The following PALMD variants were observed in gnomAD, a reference collection of about 807,000 sequenced individuals.
PALMD encodes the protein paralemmin-like protein.
In PALMD, 42 loss-of-function variants were observed where a neutral mutation model predicts 56.2. That is an observed-to-expected ratio of 0.75 (90% confidence interval 0.58 to 0.97). The LOEUF is 0.97. Ranked by LOEUF, PALMD falls within the 50% of genes least tolerant of loss-of-function variation. PALMD has a pLI of 0.00. For synonymous variants in PALMD, 242 were observed against 222.9 expected, an observed-to-expected ratio of 1.09 and a Z score of -0.76; for missense variants, 660 against 643.8, an observed-to-expected ratio of 1.03 and a Z score of -0.27.
At chr1:99,653,978 GAGAC>G (rs1652654417) in intron 1 of PALMD, among the ~76,000 whole-genome samples, 1 of 152,054 alleles carries the variant, frequency 6.6e-6, no homozygotes. Flanking sequence ...GATGAGTATA[GAGAC>G]CTTTGGTGCT....
At chr1:99,677,198 A>C (rs1653235657) in intron 3 of PALMD, among the ~76,000 whole-genome samples, 1 of 152,124 alleles carries the variant, frequency 6.6e-6, no homozygotes, top group Admixed American at 6.6e-5. Context: ...CTGTTTTTCT[A>C]GTTAACAACC....
intron 1 of PALMD, among the ~76,000 whole-genome samples, chr1:99,649,476 A>C (rs834994): frequency 0.84 from 127,742 of 152,038 alleles, 54,639 homozygotes; most frequent in Non-Finnish European, 0.92. Flanking sequence ...TCTCGAGAAG[A>C]GTGAGATGAA....
Position 99,672,115 on chromosome 1 carries a change from A to C in PALMD, c.251+4349A>C, listed in dbSNP as rs556614345. On this transcript the variant is annotated intron_variant, in intron 3 of 7. Transcript: ENST00000263174. ...CAGAGGGTACCCTGACTCACACATAACCTTTAAGTAAAGCATATCTGCTTA... is the reference window on the plus strand; with the variant it reads ...CAGAGGGTACCCTGACTCACACATACCCTTTAAGTAAAGCATATCTGCTTA... Among the ~76,000 whole-genome samples the C allele has an allele frequency of 4.6e-5, 7 of 152,240 alleles. No individual in the cohort carries two copies. The East Asian group carries it at 1.4e-3, about 29-fold the overall frequency.
At chr1:99,653,432 G>T (rs1047739902) in intron 1 of PALMD, among the ~76,000 whole-genome samples, 1 of 151,980 alleles carries the variant, frequency 6.6e-6, no homozygotes, top group Non-Finnish European at 1.5e-5. Flanking sequence ...TAAAACACAC[G>T]CTGGATTCTG....
intron 1 of PALMD, among the ~76,000 whole-genome samples, chr1:99,648,679 CA>C (rs1173104294): frequency 6.6e-6 from 1 of 151,666 alleles, no homozygotes; most frequent in Non-Finnish European, 1.5e-5. Flanking sequence ...AAAACTTTTA[CA>C]CTCTAGGATC....
At chr1:99,677,981 A>G (rs1328040236) in intron 3 of PALMD, among the ~76,000 whole-genome samples, 1 of 152,130 alleles carries the variant, frequency 6.6e-6, no homozygotes, top group Non-Finnish European at 1.5e-5. Context: ...CTATATTAGT[A>G]CCATGCTTGC....
chr1:99,689,901 C>A, intron 7 of PALMD, 29 bp downstream of exon 7: 1 of 1,558,400 alleles, frequency 6.4e-7, no homozygotes, highest in Non-Finnish European at 8.6e-7. Context: ...CATGCCACTG[C>A]TGTTCAGTCA....
intron 3 of PALMD, among the ~76,000 whole-genome samples, chr1:99,679,176 G>A (rs1482226734): frequency 6.6e-6 from 1 of 152,076 alleles, no homozygotes; most frequent in African/African-American, 2.4e-5. Flanking sequence ...TGAAACGCAA[G>A]TAATTCATCA....
rs1332046393 is a variant in PALMD, at chr1:99,667,779, C to T, written c.251+13C>T. ...AAAGTATCCTCAGGTATGGCCCTCA[C>T]TGAGATACTCCACAACTACCTTTAT... On this transcript the variant is annotated intron_variant, in intron 3 of 7. Coordinates refer to ENST00000263174, the MANE Select transcript of PALMD (RefSeq NM_017734.5). 5.6e-6 allele frequency: 9 copies of T among 1,610,666 alleles called. No individual in the cohort carries two copies. The highest frequency in any genetic ancestry group is 6.8e-6 in the Non-Finnish European group (8 of 1,177,176).
At chr1:99,668,491 A>T (rs1299541398) in intron 3 of PALMD, 2 of 151,856 alleles carry the variant, frequency 1.3e-5, no homozygotes, top group African/African-American at 2.4e-5. Flanking sequence ...CCCAGCCCCT[A>T]CTCTCACCTT....
chr1:99,653,089 A>T (rs895012198), intron 1 of PALMD, among the ~76,000 whole-genome samples: 2 of 152,180 alleles, frequency 1.3e-5, no homozygotes, highest in African/African-American at 4.8e-5. Flanking sequence ...GGAATTCTCA[A>T]GACAAAGACA....
intron 1 of PALMD, among the ~76,000 whole-genome samples, chr1:99,653,538 C>T (rs1204105154): frequency 6.6e-6 from 1 of 152,046 alleles, no homozygotes; most frequent in Non-Finnish European, 1.5e-5. Context: ...TTAATTCACC[C>T]CATAAATAGT....
At chr1:99,685,705 A>G (rs186445084) in intron 3 of PALMD, 6 of 152,290 alleles carry the variant, frequency 3.9e-5, no homozygotes, top group Admixed American at 3.3e-4. Context: ...TGACACGAAT[A>G]TCCACAGCTG....
Position 99,688,815 on chromosome 1 carries a change from G to A in PALMD, c.555G>A (p.Lys185=). The part of the protein sequence containing the change: ...AMEIKVEKDL[K]TGESTVLSSI... The stretch of plus-strand genomic sequence containing the variant: ...AAATTAAAGTTGAAAAAGACTTGAA[G>A]ACTGGAGAAAGTACAGTTCTGTCTT... The change falls in exon 7 of 8, where the codon AAG becomes AAA. Residue 185 remains lysine, a synonymous_variant. Coordinates refer to ENST00000263174, the MANE Select transcript of PALMD (RefSeq NM_017734.5). The A allele has an allele frequency of 2.5e-6, 4 of 1,608,996 alleles. No homozygotes were observed. In the South Asian group the frequency reaches 4.4e-5, roughly 18 times the overall value.
At position 99,646,643 on chromosome 1, in the gene PALMD, C is replaced by T. The variant is rs1652450991; in HGVS notation, c.45+281C>T. ...GCAGTCTGATTAACTATCTTTCACA[C>T]TCTGTGGTGTACCTTAGAAATGCAG... is the stretch of plus-strand genomic sequence containing the variant. On this transcript the variant is annotated intron_variant, in intron 1 of 7. Transcript: ENST00000263174. Among the ~76,000 whole-genome samples, 2 of 152,178 alleles carry T rather than the reference C, an allele frequency of 1.3e-5. 1 individual carries two copies. Among genetic ancestry groups the T allele is most frequent in the South Asian group, 4.1e-4 (2 of 4,830 alleles).
At chr1:99,657,740 A>G (rs1652757815) in intron 1 of PALMD, among the ~76,000 whole-genome samples, 1 of 151,948 alleles carries the variant, frequency 6.6e-6, no homozygotes, top group Admixed American at 6.6e-5. Context: ...ACTTCCTGCC[A>G]CTCCCTATAT....
chr1:99,666,071 G>A (rs530055600), intron 2 of PALMD, among the ~76,000 whole-genome samples: 22 of 152,162 alleles, frequency 1.4e-4, no homozygotes, highest in African/African-American at 5.3e-4. Flanking sequence ...GATGATCTGG[G>A]GTGAAGCTGT....
intron 1 of PALMD, among the ~76,000 whole-genome samples, chr1:99,660,115 A>T (rs1652813774): frequency 6.6e-6 from 1 of 152,236 alleles, no homozygotes. Context: ...TAGCTGCAGC[A>T]CCAGCATCTA....
chr1:99,684,364 C>T (rs1322014049), intron 3 of PALMD: 3 of 152,194 alleles, frequency 2.0e-5, no homozygotes, highest in African/African-American at 7.2e-5. Context: ...AGGTTGCCAG[C>T]CCCTGTATTG....
Sources: gnomAD v4.1 joint callset for allele counts (sites outside exome capture counted in the v4.1 genomes callset) on GRCh38, gnomAD v4.1.1 for gene constraint, MANE v1.5 for transcripts, NCBI Gene and HGNC (gene_info 2026-07-23, HGNC 2026-07-21) for gene names.